Variants in TLL1 observed in about 807,000 individuals in gnomAD.
TLL1 encodes tolloid-like protein 1.
TLL1 carries 49 observed loss-of-function variants against 128.2 expected under a neutral mutation model. That is an observed-to-expected ratio of 0.38 (90% CI 0.30 to 0.48). The LOEUF (loss-of-function observed/expected upper bound fraction) is 0.48. Ranked by LOEUF, TLL1 falls within the 20% of genes least tolerant of loss-of-function variation. The pLI is 0.96. For missense variants in TLL1, 1,123 were observed against 1,242.0 expected, an observed-to-expected ratio of 0.90 and a Z score of 1.44; for synonymous variants, 454 against 418.8, an observed-to-expected ratio of 1.08 and a Z score of -1.03.
At chr4:165,907,916 A>G (rs891453309) in intron 1 of TLL1, among the ~76,000 whole-genome samples, 1 of 152,318 alleles carries the variant, frequency 6.6e-6, no homozygotes, top group Non-Finnish European at 1.5e-5. Context: ...CATTATATCA[A>G]TTGATAAAAA....
chr4:165,982,277 C>CTGAAG (rs1736183436), intron 1 of TLL1, among the ~76,000 whole-genome samples: 1 of 151,718 alleles, frequency 6.6e-6, no homozygotes, highest in African/African-American at 2.4e-5. Flanking sequence ...TATGAAACTT[C>CTGAAG]TAAAGCTGTA....
intron 5 of TLL1, among the ~76,000 whole-genome samples, chr4:165,996,331 G>C (rs571685759): frequency 2.0e-5 from 3 of 152,132 alleles, no homozygotes; most frequent in African/African-American, 7.2e-5. Context: ...CTAAGGAGCC[G>C]GGCACGGTGG....
chr4:165,941,522 C>T (rs72972221), intron 1 of TLL1, among the ~76,000 whole-genome samples: 5,444 of 152,118 alleles, frequency 0.036, 287 homozygotes, highest in African/African-American at 0.12. Flanking sequence ...GAATGGATGA[C>T]AAAACTAATA....
rs1321365012 is a variant in TLL1, at chr4:166,103,767, T to A, written c.*2891T>A. ...CAGGCATTTTATTAAATTAATTTTT[T>A]AAATTATTTTCCACCCTACATCAGT... On this transcript the variant is annotated 3_prime_UTR_variant, in exon 21 of 21. Transcript: ENST00000061240. 1.3e-5 allele frequency: 2 copies of A among 151,284 alleles called. No homozygotes were observed. The highest frequency in any genetic ancestry group is 2.4e-5 in the African/African-American group (1 of 41,226). 9.4% of individuals were successfully genotyped at this position (151,284 alleles called of 1,614,324 possible).
intron 18 of TLL1, among the ~76,000 whole-genome samples, chr4:166,087,317 T>G (rs1451512297): frequency 6.6e-6 from 1 of 152,148 alleles, no homozygotes; most frequent in African/African-American, 2.4e-5. Context: ...CTACAACTGT[T>G]AAATAATTAT....
intron 1 of TLL1, among the ~76,000 whole-genome samples, chr4:165,985,459 T>C (rs1262651370): frequency 6.6e-6 from 1 of 152,082 alleles, no homozygotes; most frequent in Non-Finnish European, 1.5e-5. Flanking sequence ...AGTGGTTCTT[T>C]ACTTTGTGTA....
intron 1 of TLL1, among the ~76,000 whole-genome samples, chr4:165,942,765 G>C (rs1734077804): frequency 6.6e-6 from 1 of 151,880 alleles, no homozygotes; most frequent in African/African-American, 2.4e-5. Flanking sequence ...TATATGTTAA[G>C]CGCATACATG....
At chr4:165,989,314 A>G (rs1268436387) in intron 1 of TLL1, 67 bp from the exon 2 acceptor site, 2 of 1,160,266 alleles carry the variant, frequency 1.7e-6, no homozygotes, top group African/African-American at 3.0e-5. Flanking sequence ...ATGCTTTTCT[A>G]ATTAGCTTTG....
chr4:166,017,117 G>A (rs79768659), intron 8 of TLL1, among the ~76,000 whole-genome samples: 4,521 of 152,006 alleles, frequency 0.03, 203 homozygotes, highest in African/African-American at 0.1. Context: ...AGTCCATACT[G>A]TCTATTGTTC....
chr4:165,934,124 G>T (rs539901250), intron 1 of TLL1, among the ~76,000 whole-genome samples: 1 of 150,446 alleles, frequency 6.6e-6, no homozygotes. Context: ...TCAGCCTCCC[G>T]AGTAGCTGGG....
chr4:165,933,368 A>G (rs1274118748), intron 1 of TLL1, among the ~76,000 whole-genome samples: 1 of 152,022 alleles, frequency 6.6e-6, no homozygotes, highest in African/African-American at 2.4e-5. Flanking sequence ...GGAGGCAATG[A>G]TTCCGGTGTT....
intron 1 of TLL1, among the ~76,000 whole-genome samples, chr4:165,902,462 AGCACAGTATTTGAGCCAGAAT>A (rs908714123): frequency 2.6e-5 from 4 of 152,158 alleles, no homozygotes; most frequent in African/African-American, 9.7e-5. Context: ...CTGTGGGAAA[AGCACAGTATTTGAGCCAGAAT>A]GCACCGTTCC....
chr4:166,077,972 C>T lies in TLL1; in HGVS notation c.2384C>T (p.Pro795Leu). 6.2e-7 allele frequency: 1 copy of T among 1,613,708 alleles called. No homozygotes were observed. The highest frequency in any genetic ancestry group is 8.5e-7 in the Non-Finnish European group (1 of 1,179,792). The change falls in exon 18 of 21, where the codon CCA becomes CTA. Residue 795 changes from proline to leucine, a missense_variant. Around this residue, in one of 3 missense-constraint regions of TLL1, gnomAD observed 634 missense variants for 672.4 expected, o/e 0.94. Transcript: ENST00000061240. ...AGTCCCAACTGGCCAGACAAGTACC[C>T]AAGCAGGAAAGAATGCACTTGGGAA... ...ITSPNWPDKY[P>L]SRKECTWEIS...
At chr4:165,958,762 T>A (rs1734942290) in intron 1 of TLL1, among the ~76,000 whole-genome samples, 1 of 148,920 alleles carries the variant, frequency 6.7e-6, no homozygotes, top group African/African-American at 2.5e-5. Context: ...TTGCTTTTGG[T>A]GTTTTAGACA....
chr4:165,931,422 G>C (rs10517874), intron 1 of TLL1, among the ~76,000 whole-genome samples: 72,380 of 151,872 alleles, frequency 0.48, 17,962 homozygotes, highest in Middle Eastern at 0.6. Flanking sequence ...GCTGTGATTA[G>C]AAATTGCAGT....
At chr4:166,048,520 T>C (rs903617335) in intron 12 of TLL1, among the ~76,000 whole-genome samples, 6 of 152,220 alleles carry the variant, frequency 3.9e-5, no homozygotes, top group African/African-American at 1.4e-4. Context: ...GAAGTGAGTT[T>C]GTATATGAAT....
chr4:166,095,191 CTA>C (rs1161625819), intron 19 of TLL1, among the ~76,000 whole-genome samples: 32 of 152,076 alleles, frequency 2.1e-4, no homozygotes, highest in African/African-American at 7.0e-4. Flanking sequence ...ATTTCAAACA[CTA>C]TGAATTTTTG....
chr4:165,988,154 C>T (rs1392772878), intron 1 of TLL1, among the ~76,000 whole-genome samples: 1 of 152,028 alleles, frequency 6.6e-6, no homozygotes, highest in Non-Finnish European at 1.5e-5. Flanking sequence ...GTTGGTGTAG[C>T]TTGTATTCAA....
chr4:165,936,223 C>CTT (rs942916662), intron 1 of TLL1, among the ~76,000 whole-genome samples: 18 of 120,866 alleles, frequency 1.5e-4, no homozygotes, highest in Non-Finnish European at 2.5e-4. Flanking sequence ...TTTCTTTTTT[C>CTT]TTTTTTTTTT....
Sources: allele counts gnomAD v4.1 joint callset (sites outside exome capture counted in the v4.1 genomes callset), GRCh38; gene constraint gnomAD v4.1.1; regional missense constraint gnomAD v4.1.1; transcripts MANE v1.5; gene names NCBI Gene and HGNC (gene_info 2026-07-23, HGNC 2026-07-21).